Variants in DENND4A observed in about 807,000 individuals in gnomAD.
DENND4A encodes C-myc promoter-binding protein.
A neutral mutation model predicts 199.3 loss-of-function variants in DENND4A; 70 were observed. That is an observed-to-expected ratio of 0.35 (90% CI 0.29 to 0.43). The LOEUF is 0.43. DENND4A is among the 20% of genes least tolerant of loss of function. DENND4A has a pLI of 1.00. For synonymous variants in DENND4A, 686 were observed against 766.9 expected (o/e 0.89, Z 1.74); for missense variants, 1,723 against 2,255.8 (o/e 0.76, Z 4.78).
intron 12 of DENND4A, among the ~76,000 whole-genome samples, chr15:65,718,760 CTTTTTT>C (rs1038227560): frequency 3.7e-4 from 25 of 67,768 alleles, no homozygotes; most frequent in South Asian, 1.2e-3. Context: ...GTTTTTTTTC[CTTTTTT>C]TTTTTTTTTT....
At chr15:65,691,978 A>T (rs28475561) in intron 22 of DENND4A, among the ~76,000 whole-genome samples, 28,903 of 88,414 alleles carry the variant, frequency 0.33, 3,646 homozygotes, top group East Asian at 0.76. Context: ...TTTTTTTTTT[A>T]ATTTGCTAGA....
In DENND4A at chr15:65,665,371, G is replaced by A. The variant is rs1308701494; in HGVS notation, c.5333C>T (p.Pro1778Leu). ...NMKLHQDPGQ[P>L]LYILWNAHTQ... ...GTGTGCATTCCAGAGAATGTACAAG[G>A]GCTGTCCCGGATCCTGATGTAACTT... is the stretch of plus-strand genomic sequence containing the variant. Residue 1778 changes from proline (P) to leucine (L), a missense_variant, in exon 30 of 33, where the codon CCC becomes CTC. Transcript: ENST00000443035. The A allele has an allele frequency of 6.2e-7, 1 of 1,613,612 alleles. No individual in the cohort carries two copies. The highest frequency in any genetic ancestry group is 2.2e-5 in the East Asian group (1 of 44,850).
chr15:65,757,772 C>T (rs11638396), intron 2 of DENND4A, among the ~76,000 whole-genome samples: 1,600 of 152,220 alleles, frequency 0.011, 17 homozygotes, highest in Middle Eastern at 0.037. Context: ...TACCTGAGGT[C>T]GGGAGTTCAA....
At chr15:65,712,963 A>G (rs1259355466) in intron 14 of DENND4A, among the ~76,000 whole-genome samples, 3 of 152,174 alleles carry the variant, frequency 2.0e-5, no homozygotes, top group African/African-American at 7.2e-5. Flanking sequence ...TTTGAGAGTA[A>G]GCTGCTGAGC....
At chr15:65,745,962 C>T (rs1402978085) in intron 4 of DENND4A, among the ~76,000 whole-genome samples, 6 of 151,174 alleles carry the variant, frequency 4.0e-5, no homozygotes, top group East Asian at 3.9e-4. Context: ...GGTGAAACCC[C>T]GTCTCTACCA....
chr15:65,740,115 A>G (rs1477702673), intron 5 of DENND4A, among the ~76,000 whole-genome samples: 1 of 152,024 alleles, frequency 6.6e-6, no homozygotes, highest in East Asian at 1.9e-4. Context: ...CGGGAGGCGG[A>G]GGTTGCAGTG....
chr15:65,757,274 G>GT (rs2076731192), intron 2 of DENND4A, among the ~76,000 whole-genome samples: 1 of 140,436 alleles, frequency 7.1e-6, no homozygotes. Flanking sequence ...GGGGGGGGGG[G>GT]GTCTCACTAT....
At chr15:65,717,048 C>T (rs574119300) in intron 13 of DENND4A, among the ~76,000 whole-genome samples, 415 of 152,254 alleles carry the variant, frequency 2.7e-3, no homozygotes, top group Non-Finnish European at 4.1e-3. Context: ...AAAAGCCTTC[C>T]GTGATATGAG....
chr15:65,759,829 T>C (rs879647498), intron 2 of DENND4A, among the ~76,000 whole-genome samples: 32 of 152,224 alleles, frequency 2.1e-4, no homozygotes, highest in African/African-American at 7.5e-4. Flanking sequence ...TCATTAGTCT[T>C]TGAAAACAAT....
Position 65,732,732 on chromosome 15 carries a change from C to T in DENND4A, c.1107+20G>A, listed in dbSNP as rs2075998387. On this transcript the variant is annotated intron_variant, in intron 8 of 32. Transcript: ENST00000443035. ...AATAACAACTCATAGGTCCCCCAAT[C>T]AAAAACAAAAAAACCTTACCTGAAC... The T allele has an allele frequency of 1.3e-6, 2 of 1,524,838 alleles. No homozygotes were observed. Among genetic ancestry groups the T allele is most frequent in the African/African-American group, 2.8e-5 (2 of 71,886 alleles). The allele number at this position is 1,524,838 out of a possible 1,614,324, so 94.5% of individuals were successfully genotyped here. A position where few individuals can be genotyped will look rare whatever the true frequency, so the allele number is the denominator to read the frequency against.
chr15:65,669,272 C>T (rs1027275140), intron 27 of DENND4A, among the ~76,000 whole-genome samples: 1 of 152,164 alleles, frequency 6.6e-6, no homozygotes, highest in Non-Finnish European at 1.5e-5. Context: ...TTGGCACTTC[C>T]GCACAATGGA....
At chr15:65,701,547 T>TA (rs2074868029) in intron 18 of DENND4A, among the ~76,000 whole-genome samples, 1 of 152,080 alleles carries the variant, frequency 6.6e-6, no homozygotes, top group Non-Finnish European at 1.5e-5. Context: ...AGCCTGGCGC[T>TA]AGAGTCTCAC....
intron 1 of DENND4A, chr15:65,771,149 A>C (rs2077113894): frequency 3.2e-6 from 5 of 1,562,528 alleles, no homozygotes; most frequent in Non-Finnish European, 4.3e-6. Flanking sequence ...AGTACGCTAA[A>C]AGGTATAAAT....
At chr15:65,682,794 G>T (rs2076625569) in intron 23 of DENND4A, among the ~76,000 whole-genome samples, 1 of 152,120 alleles carries the variant, frequency 6.6e-6, no homozygotes, top group African/African-American at 2.4e-5. Context: ...CCACTGTAGG[G>T]TTATTAATTG....
chr15:65,769,290 T>C (rs1216751414), intron 1 of DENND4A, among the ~76,000 whole-genome samples: 1 of 152,144 alleles, frequency 6.6e-6, no homozygotes, highest in African/African-American at 2.4e-5. Flanking sequence ...TAAGACCTTA[T>C]ATTTGGTGAG....
chr15:65,748,971 C>G (rs147211554), intron 4 of DENND4A, among the ~76,000 whole-genome samples: 1 of 141,744 alleles, frequency 7.1e-6, no homozygotes, highest in Non-Finnish European at 1.5e-5. Context: ...CCAGCCTGGG[C>G]AACAGAACAA....
chr15:65,716,714 A>C (rs866236556), intron 13 of DENND4A, among the ~76,000 whole-genome samples: 1 of 151,714 alleles, frequency 6.6e-6, no homozygotes, highest in Non-Finnish European at 1.5e-5. Context: ...ATACGTGTGC[A>C]TGTGTCTTTA....
chr15:65,729,035 G>A, intron 11 of DENND4A, 37 bp downstream of exon 11: 2 of 1,530,252 alleles, frequency 1.3e-6, no homozygotes, highest in Non-Finnish European at 1.8e-6. Context: ...CTACAAAGTT[G>A]TAAAATATAC....
chr15:65,697,973 T>TG (rs1442638193), intron 20 of DENND4A, among the ~76,000 whole-genome samples: 1 of 152,082 alleles, frequency 6.6e-6, no homozygotes, highest in East Asian at 1.9e-4. Context: ...CAAAAGGGGC[T>TG]GGGAGCAGTG....
Sources: gnomAD v4.1 joint callset for allele counts (sites outside exome capture counted in the v4.1 genomes callset) on GRCh38, gnomAD v4.1.1 for gene constraint, MANE v1.5 for transcripts, NCBI Gene and HGNC (gene_info 2026-07-23, HGNC 2026-07-21) for gene names.